Variants in KIR2DL3 observed in about 807,000 individuals in gnomAD.
KIR2DL3 encodes the protein killer cell immunoglobulin like receptor, two Ig domains and long cytoplasmic tail 3.
Under a neutral mutation model 33.8 loss-of-function variants are expected in KIR2DL3, and 39 were observed. The observed-to-expected ratio is 1.15, with a 90% CI of 0.89 to 1.51. The LOEUF (loss-of-function observed/expected upper bound fraction) is 1.51, where lower values mean the gene tolerates loss of function less well. Among genes scored for constraint, KIR2DL3 ranks in the 40% most tolerant of loss-of-function variants. The pLI, the probability that KIR2DL3 is intolerant of heterozygous loss-of-function variation, is 0.00. For missense variants in KIR2DL3, 462 were observed against 426.2 expected (o/e 1.08, Z -0.74); for synonymous variants, 174 against 160.2 (o/e 1.09, Z -0.65).
chr19:54,743,900 A>G lies in KIR2DL3; in HGVS notation c.476A>G (p.His159Arg), dbSNP rs574746076. The G allele has an allele frequency of 2.3e-4, 366 of 1,614,038 alleles. 5 individuals carry two copies. In the East Asian group the frequency reaches 7.2e-3, roughly 32 times the overall value. ...CSSRSSYDMY[H>R]LSREGEAHER... ...TCCCGGAGCTCCTATGACATGTACC[A>G]TCTATCCAGGGAGGGGGAGGCCCAT... Residue 159 changes from histidine to arginine, a missense_variant, in exon 4 of 8, where the codon CAT becomes CGT. Transcript: ENST00000342376.
At chr19:54,744,717 G>T (rs1555905362) in intron 4 of KIR2DL3, among the ~76,000 whole-genome samples, 54,566 of 146,836 alleles carry the variant, frequency 0.37, 10,032 homozygotes, top group Middle Eastern at 0.46. Context: ...AGTAGAGAGG[G>T]GGTTTCACCA....
chr19:54,741,554 G>A (rs2071114295), intron 2 of KIR2DL3, among the ~76,000 whole-genome samples: 1 of 152,016 alleles, frequency 6.6e-6, no homozygotes, highest in South Asian at 2.1e-4. Flanking sequence ...ACCAGGAACA[G>A]GGTGTGTGGA....
Position 54,742,157 on chromosome 19 carries a change from C to T in KIR2DL3, c.248C>T (p.Ala83Val). Residue 83 changes from alanine to valine, a missense_variant, in exon 3 of 8, where the codon GCC (alanine) becomes GTC (valine). Physicochemically the swap from Ala to Val is moderately conservative, Grantham distance 64. Transcript: ENST00000342376. The part of the protein sequence containing the change: ...IGEHHDGVSK[A>V]NFSIGPMMQD... ...GAGCACCATGATGGGGTCTCCAAGG[C>T]CAACTTCTCCATCGGTCCCATGATG... The T allele has an allele frequency of 1.8e-5, 29 of 1,613,886 alleles. No homozygotes were observed. Among genetic ancestry groups the T allele is most frequent in the Non-Finnish European group, 2.3e-5 (27 of 1,179,952 alleles).
In KIR2DL3 at chr19:54,743,983, C is replaced by T. The variant is rs765798505; in HGVS notation, c.559C>T (p.Leu187=). Residue 187 remains leucine (L), a synonymous_variant, in exon 4 of 8, where the codon CTG becomes TTG. Transcript: ENST00000342376. ...CGGAACATTCCAGGCCGACTTTCCT[C>T]TGGGCCCTGCCACCCACGGAGGAAC... The part of the protein sequence containing the change: ...VNGTFQADFP[L]GPATHGGTYR... 5.8e-5 allele frequency: 94 copies of T among 1,614,140 alleles called. No individual in the cohort carries two copies. The Admixed American group carries it at 1.5e-3, about 26-fold the overall frequency.
chr19:54,744,941 TATATATATATA>T (rs1568970266), intron 4 of KIR2DL3, among the ~76,000 whole-genome samples: 1 of 26,506 alleles, frequency 3.8e-5, no homozygotes, highest in African/African-American at 1.2e-4. Context: ...TATATATATA[TATATATATATA>T]TATTTTTTTT....
In KIR2DL3 at chr19:54,753,039, C is replaced by T. The variant is rs532287925; in HGVS notation, c.*520C>T. The T allele has an allele frequency of 1.1e-5, 2 of 176,842 alleles. No individual in the cohort carries two copies. The highest frequency in any genetic ancestry group is 2.3e-5 in the Non-Finnish European group (2 of 87,138). 11.0% of individuals were successfully genotyped at this position (176,842 alleles called of 1,614,324 possible). A position where few individuals can be genotyped will look rare whatever the true frequency, so the allele number is the denominator to read the frequency against. ...TGTAGTTTTCCCTCCTTCAAATAAA[C>T]ATGTCTGCCCTCATGGTTTAGGTAA... On this transcript the variant is annotated 3_prime_UTR_variant, in exon 8 of 8. Coordinates refer to ENST00000342376, the MANE Select transcript of KIR2DL3 (RefSeq NM_015868.3).
chr19:54,744,211 G>T, intron 4 of KIR2DL3, 123 bp downstream of exon 4: 1 of 1,464,840 alleles, frequency 6.8e-7, no homozygotes, highest in East Asian at 2.3e-5. Flanking sequence ...GGGTGTGAGG[G>T]AGGGATCAGG....
At chr19:54,742,630 CT>C (rs1484635239) in intron 3 of KIR2DL3, among the ~76,000 whole-genome samples, 2 of 151,796 alleles carry the variant, frequency 1.3e-5, no homozygotes, top group African/African-American at 2.4e-5. Context: ...ACAAAGTGTT[CT>C]CTACCAGGAG....
At chr19:54,744,427 C>T (rs2071866964) in intron 4 of KIR2DL3, among the ~76,000 whole-genome samples, 1 of 152,166 alleles carries the variant, frequency 6.6e-6, no homozygotes, top group African/African-American at 2.4e-5. Context: ...TGGCCTCTCA[C>T]CCACACAGGG....
chr19:54,743,697 G>A, intron 3 of KIR2DL3, 98 bp from the exon 4 acceptor site: 1 of 875,898 alleles, frequency 1.1e-6, no homozygotes, highest in Non-Finnish European at 1.7e-6. Context: ...GAGAGAGAGA[G>A]CATTAGGTCA....
chr19:54,746,611 A>C (rs547981569), intron 4 of KIR2DL3, among the ~76,000 whole-genome samples: 55 of 144,962 alleles, frequency 3.8e-4, no homozygotes, highest in South Asian at 7.0e-4. Flanking sequence ...CTCTGCATGT[A>C]GATGTCCAGG....
rs1273439598 is a variant in KIR2DL3 at position 54,746,620 on chromosome 19, G to A, written c.665-715G>A. ...TCATTCCTCTGCATGTAGATGTCCA[G>A]GTTTCCCTGCACTGTTTATTGAAAA... is the stretch of plus-strand genomic sequence containing the variant. On this transcript the variant is annotated intron_variant, in intron 4 of 7. Transcript: ENST00000342376. 4.6e-3 allele frequency among the ~76,000 whole-genome samples: 688 copies of A among 148,506 alleles called. 2 individuals are homozygous for A. Among genetic ancestry groups the A allele is most frequent in the African/African-American group, 0.016 (650 of 40,680 alleles).
Position 54,750,720 on chromosome 19 carries a change from A to G in KIR2DL3, c.716-929A>G, listed in dbSNP as rs1001806187. Reference sequence around the variant, plus strand: ...TCCAGGGAGACAGAACACACAGAGAATACATTACACAGGCAGGTTCATTAC... The same window carrying G: ...TCCAGGGAGACAGAACACACAGAGAGTACATTACACAGGCAGGTTCATTAC... On this transcript the variant is annotated intron_variant, in intron 5 of 7. Transcript: ENST00000342376. 7.2e-5 allele frequency among the ~76,000 whole-genome samples: 10 copies of G among 139,550 alleles called. No homozygotes were observed. In the Admixed American group the frequency reaches 7.4e-4, roughly 10 times the overall value. 91.6% of individuals were successfully genotyped at this position (139,550 alleles called of 152,430 possible). A position where few individuals can be genotyped will look rare whatever the true frequency, so the allele number is the denominator to read the frequency against.
chr19:54,746,103 A>T (rs1397167194), intron 4 of KIR2DL3, among the ~76,000 whole-genome samples: 20 of 132,276 alleles, frequency 1.5e-4, no homozygotes, highest in South Asian at 5.5e-4. Context: ...GTGAGCCACC[A>T]CGCCCGGCCT....
rs755865659 is a variant in KIR2DL3, at chr19:54,742,160, A to T, written c.251A>T (p.Asn84Ile). Residue 84 changes from asparagine (N) to isoleucine (I), a missense_variant, in exon 3 of 8, where the codon AAC (asparagine) becomes ATC (isoleucine). Coordinates refer to ENST00000342376, the MANE Select transcript of KIR2DL3 (RefSeq NM_015868.3). ...GEHHDGVSKA[N>I]FSIGPMMQDL... ...CACCATGATGGGGTCTCCAAGGCCA[A>T]CTTCTCCATCGGTCCCATGATGCAA... The T allele has an allele frequency of 3.1e-6, 5 of 1,614,034 alleles. No individual in the cohort carries two copies. The highest frequency in any genetic ancestry group is 4.2e-6 in the Non-Finnish European group (5 of 1,179,998).
At chr19:54,747,457 C>G in intron 5 of KIR2DL3, 72 bp downstream of exon 5, 1 of 1,524,528 alleles carries the variant, frequency 6.6e-7, no homozygotes, top group South Asian at 1.1e-5. Context: ...CAGGCATTGA[C>G]TCAGCATCTC....
rs2070677543 is a variant in KIR2DL3 at position 54,739,821 on chromosome 19, C to T, written c.70+279C>T. 2.0e-5 allele frequency among the ~76,000 whole-genome samples: 3 copies of T among 152,220 alleles called. No individual in the cohort carries two copies. In the South Asian group the frequency reaches 6.2e-4, roughly 31 times the overall value. Reference sequence around the variant, plus strand: ...TCTGAGGACAAAGGTGTTACTCACACACTTCAGCGTTTCCATGATGGTAGG... The same window carrying T: ...TCTGAGGACAAAGGTGTTACTCACATACTTCAGCGTTTCCATGATGGTAGG... On this transcript the variant is annotated intron_variant, in intron 2 of 7. Coordinates refer to ENST00000342376, the MANE Select transcript of KIR2DL3 (RefSeq NM_015868.3).
chr19:54,739,624 A>T lies in KIR2DL3; in HGVS notation c.70+82A>T, dbSNP rs1466630415. On this transcript the variant is annotated intron_variant, in intron 2 of 7. Transcript: ENST00000342376. ...AAACAGGAGGGAAGTCCTGTCGGGG[A>T]GTCTCTCATAAACTAGGAAGAGAGG... is the stretch of plus-strand genomic sequence containing the variant. The T allele has an allele frequency of 1.3e-4, 207 of 1,609,538 alleles. No homozygotes were observed. In the African/African-American group the frequency reaches 2.4e-3, roughly 18 times the overall value.
Position 54,752,200 on chromosome 19 carries a change from C to T in KIR2DL3, c.821-16C>T. The T allele has an allele frequency of 1.4e-6, 2 of 1,461,312 alleles. No individual in the cohort carries two copies. The highest frequency in any genetic ancestry group is 1.9e-6 in the Non-Finnish European group (2 of 1,075,364). 90.5% of individuals were successfully genotyped at this position (1,461,312 alleles called of 1,614,324 possible). On this transcript the variant is annotated splice_polypyrimidine_tract_variant and intron_variant, in intron 6 of 7. Coordinates refer to ENST00000342376, the MANE Select transcript of KIR2DL3 (RefSeq NM_015868.3). ...AGTGCCCTCTGAGCTGTTTTGTTGA[C>T]TTCCGTCTTCTACAGATGCTGTTGT... is the stretch of plus-strand genomic sequence containing the variant.
Sources: gnomAD v4.1 joint callset for allele counts (sites outside exome capture counted in the v4.1 genomes callset) on GRCh38, gnomAD v4.1.1 for gene constraint, MANE v1.5 for transcripts, NCBI Gene and HGNC (gene_info 2026-07-23, HGNC 2026-07-21) for gene names.